The following ITIH2 variants were observed in gnomAD, a reference collection of about 807,000 sequenced individuals.
The protein encoded by ITIH2 is inter-alpha-trypsin inhibitor heavy chain 2, also known as inter-alpha-trypsin inhibitor heavy chain H2.
Under a neutral mutation model 104.4 loss-of-function variants are expected in ITIH2, and 103 were observed. The observed-to-expected ratio is 0.99, with a 90% confidence interval of 0.84 to 1.16. The LOEUF is 1.16. ITIH2 is among the 50% of genes most tolerant of loss of function. The pLI, the probability that ITIH2 is intolerant of heterozygous loss-of-function variation, is 0.00. For missense variants in ITIH2, 1,108 were observed against 1,162.4 expected (o/e 0.95, Z 0.68); for synonymous variants, 436 against 435.4 (o/e 1.00, Z -0.02).
Position 7,738,607 on chromosome 10 carries a change from G to T in ITIH2, c.1958-14G>T. The T allele has an allele frequency of 1.2e-6, 2 of 1,612,508 alleles. No individual in the cohort carries two copies. Among genetic ancestry groups the T allele is most frequent in the Non-Finnish European group, 1.7e-6 (2 of 1,179,190 alleles). The stretch of plus-strand genomic sequence containing the variant: ...TAAATCTAGAAACTAACAGATGCAG[G>T]TTTGTCTACGCAGGGGCCCTGTATT... On this transcript the variant is annotated splice_polypyrimidine_tract_variant and intron_variant, in intron 15 of 20. Coordinates refer to ENST00000358415, the MANE Select transcript of ITIH2 (RefSeq NM_002216.3).
At chr10:7,717,879 G>A (rs1047687685) in intron 6 of ITIH2, 91 bp downstream of exon 6, 2 of 1,290,214 alleles carry the variant, frequency 1.6e-6, no homozygotes, top group African/African-American at 2.9e-5. Flanking sequence ...TAGCACTTGT[G>A]GTGTTGGATG....
chr10:7,717,740 T>G lies in ITIH2; in HGVS notation c.582T>G (p.Tyr194Ter). The stretch of plus-strand genomic sequence containing the variant: ...TGAAGTGGAGGAAGCTGGGCTCCTA[T>G]GAGCACAGGATCTATCTGCAACCTG... Reference protein sequence around the residue: ...QEVKWRKLGSYEHRIYLQPGR... With the variant: ...QEVKWRKLGS The change falls in exon 6 of 21, where the codon TAT becomes TAG. Residue 194 changes from tyrosine to a stop codon, truncating the protein, a stop_gained. Coordinates refer to ENST00000358415, the MANE Select transcript of ITIH2 (RefSeq NM_002216.3). LOFTEE classifies it high-confidence loss of function. 6.2e-7 allele frequency: 1 copy of G among 1,613,032 alleles called. No homozygotes were observed. Among genetic ancestry groups the G allele is most frequent in the South Asian group, 1.1e-5 (1 of 91,016 alleles).
At chr10:7,714,163 C>CTTTTTT (rs1564298974) in intron 5 of ITIH2, among the ~76,000 whole-genome samples, 12 of 125,630 alleles carry the variant, frequency 9.6e-5, no homozygotes, top group South Asian at 2.4e-4. Flanking sequence ...TGCACACTCA[C>CTTTTTT]TATTTTTTTT....
intron 7 of ITIH2, 53 bp downstream of exon 7, chr10:7,721,016 G>T (rs1011416211): frequency 9.1e-7 from 1 of 1,100,534 alleles, no homozygotes; most frequent in African/African-American, 1.5e-5. Flanking sequence ...TGGATTGTGG[G>T]TTCTGTTCTC....
At position 7,704,583 on chromosome 10, in the gene ITIH2, C is replaced by T. The variant is rs1055568090; in HGVS notation, c.85-525C>T. The stretch of plus-strand genomic sequence containing the variant: ...GGTTGTTTTGATCTCTGTCTTACCA[C>T]CTGCTGGCAAACTCAAAAATGAATT... On this transcript the variant is annotated intron_variant, in intron 1 of 20. Coordinates refer to ENST00000358415, the MANE Select transcript of ITIH2 (RefSeq NM_002216.3). Among the ~76,000 whole-genome samples the T allele has an allele frequency of 9.9e-5, 15 of 152,182 alleles. 1 individual carries two copies. Among genetic ancestry groups the T allele is most frequent in the Non-Finnish European group, 2.9e-5 (2 of 68,032 alleles).
intron 20 of ITIH2, 56 bp from the exon 21 acceptor site, chr10:7,749,131 T>C (rs1413689485): frequency 2.6e-6 from 4 of 1,541,960 alleles, no homozygotes; most frequent in Non-Finnish European, 3.6e-6. Context: ...AAAGAGGGAG[T>C]CTTGTGTCTA....
chr10:7,730,327 C>T (rs1400293162), intron 12 of ITIH2, among the ~76,000 whole-genome samples, 194 bp downstream of exon 12: 2 of 152,166 alleles, frequency 1.3e-5, no homozygotes, highest in African/African-American at 4.8e-5. Flanking sequence ...TCTGCAGTAA[C>T]AGTGAGGTAT....
Position 7,731,810 on chromosome 10 carries a change from G to C in ITIH2, c.1462-1G>C. On this transcript the variant is annotated splice_acceptor_variant, in intron 12 of 20. Transcript: ENST00000358415. LOFTEE classifies it high-confidence loss of function. Reference sequence around the variant, plus strand: ...TCTCTCTCTCTCTCTGTGAATTGTAGAAATTCTACAACCAGGTCTCCACTC... The same window carrying C: ...TCTCTCTCTCTCTCTGTGAATTGTACAAATTCTACAACCAGGTCTCCACTC... The C allele has an allele frequency of 1.3e-6, 2 of 1,591,124 alleles. No individual in the cohort carries two copies. Among genetic ancestry groups the C allele is most frequent in the Non-Finnish European group, 1.7e-6 (2 of 1,167,218 alleles).
chr10:7,746,718 G>GT lies in ITIH2; in HGVS notation c.2693+15dup, dbSNP rs1835181613. On this transcript the variant is annotated intron_variant, in intron 20 of 20. Coordinates refer to ENST00000358415, the MANE Select transcript of ITIH2 (RefSeq NM_002216.3). ...GATCATCACCAGGTAGGCCTCGGGCGTAAGGACAGTGACGAAAAGGCCTTG... is the reference window on the plus strand; with the variant it reads ...GATCATCACCAGGTAGGCCTCGGGCGTTAAGGACAGTGACGAAAAGGCCTTG... The GT allele has an allele frequency of 6.5e-7, 1 of 1,537,878 alleles. No individual in the cohort carries two copies. The highest frequency in any genetic ancestry group is 9.0e-7 in the Non-Finnish European group (1 of 1,112,012).
Position 7,738,657 on chromosome 10 carries a change from C to G in ITIH2, c.1994C>G (p.Ser665Cys). Reference protein sequence around the residue: ...LYYGSKVVPDSTPSWANPSPT... With the variant: ...LYYGSKVVPDCTPSWANPSPT... ...TACGGCAGCAAAGTGGTTCCAGATT[C>G]CACCCCGTCTTGGGCCAATCCTTCA... Residue 665 changes from serine to cysteine, a missense_variant, in exon 16 of 21, where the codon TCC becomes TGC. Ser to Cys is a moderately radical substitution (Grantham distance 112, BLOSUM62 -1). Coordinates refer to ENST00000358415, the MANE Select transcript of ITIH2 (RefSeq NM_002216.3). 6.2e-7 allele frequency: 1 copy of G among 1,613,942 alleles called. No individual in the cohort carries two copies. The highest frequency in any genetic ancestry group is 8.5e-7 in the Non-Finnish European group (1 of 1,179,952).
chr10:7,704,378 T>C (rs1396465845), intron 1 of ITIH2, among the ~76,000 whole-genome samples: 1 of 152,252 alleles, frequency 6.6e-6, no homozygotes, highest in Non-Finnish European at 1.5e-5. Context: ...AATCTCAAAT[T>C]GAAGCCAAGA....
chr10:7,709,292 G>T, intron 4 of ITIH2, 101 bp downstream of exon 4: 2 of 1,032,274 alleles, frequency 1.9e-6, no homozygotes, highest in Non-Finnish European at 3.0e-6. Flanking sequence ...CTGTCCCAGA[G>T]GACCGGCTGG....
At chr10:7,725,029 A>G (rs1330677544) in intron 9 of ITIH2, among the ~76,000 whole-genome samples, 1 of 151,086 alleles carries the variant, frequency 6.6e-6, no homozygotes, top group Admixed American at 6.6e-5. Flanking sequence ...ATAAAAACAG[A>G]AACCAAACAA....
At chr10:7,733,925 C>T (rs79640220) in intron 14 of ITIH2, among the ~76,000 whole-genome samples, 1,722 of 151,508 alleles carry the variant, frequency 0.011, 40 homozygotes, top group African/African-American at 0.038. Flanking sequence ...GTGAAGTAAA[C>T]GAGAAATAGC....
intron 14 of ITIH2, among the ~76,000 whole-genome samples, chr10:7,734,428 C>T (rs1835032866): frequency 6.6e-6 from 1 of 152,234 alleles, no homozygotes; most frequent in African/African-American, 2.4e-5. Context: ...AGATGCATGG[C>T]TCATGCCTGT....
intron 4 of ITIH2, among the ~76,000 whole-genome samples, chr10:7,709,573 A>AG (rs1834777461): frequency 6.6e-6 from 1 of 152,084 alleles, no homozygotes; most frequent in South Asian, 2.1e-4. Context: ...GAAAAAAAAA[A>AG]CAAGTTGAGA....
intron 18 of ITIH2, 64 bp downstream of exon 18, chr10:7,744,344 G>C: frequency 3.1e-6 from 4 of 1,309,724 alleles, no homozygotes; most frequent in Non-Finnish European, 4.3e-6. Context: ...ATAAATCCAG[G>C]CATCAGTGAC....
chr10:7,720,736 C>G, intron 6 of ITIH2, 120 bp from the exon 7 acceptor site: 1 of 620,614 alleles, frequency 1.6e-6, no homozygotes, highest in Non-Finnish European at 2.9e-6. Flanking sequence ...ATCGTGGAGT[C>G]GTGCCCGGGA....
rs774406138 is a variant in ITIH2, at chr10:7,732,408, A to G, written c.1718A>G (p.Lys573Arg). 2 of 1,614,084 alleles carry G rather than the reference A, an allele frequency of 1.2e-6. No individual in the cohort carries two copies. The highest frequency in any genetic ancestry group is 2.2e-5 in the South Asian group (2 of 91,076). The part of the protein sequence containing the change: ...DDLQDFLSKD[K>R]HADPDFTRKL... ...TTGCAGGATTTTCTATCGAAAGACAAGCATGCAGATCCCGATTTCACCAGG... is the reference window on the plus strand; with the variant it reads ...TTGCAGGATTTTCTATCGAAAGACAGGCATGCAGATCCCGATTTCACCAGG... The change falls in exon 14 of 21, where the codon AAG becomes AGG. Residue 573 changes from lysine to arginine, a missense_variant. By Grantham distance (26) the Lys-to-Arg change is conservative. Transcript: ENST00000358415.
Sources: gnomAD v4.1 joint callset for allele counts (sites outside exome capture counted in the v4.1 genomes callset) on GRCh38, gnomAD v4.1.1 for gene constraint, MANE v1.5 for transcripts, NCBI Gene and HGNC (gene_info 2026-07-23, HGNC 2026-07-21) for gene names.